PALS1: variants seen among roughly 807,000 people sequenced by gnomAD.
The protein encoded by PALS1 is protein PALS1.
A neutral mutation model predicts 78.9 loss-of-function variants in PALS1; 31 were observed. The observed-to-expected ratio is 0.39, with a 90% CI of 0.30 to 0.53. The LOEUF (loss-of-function observed/expected upper bound fraction) is 0.53, where lower values mean the gene tolerates loss of function less well. Among genes scored for constraint, PALS1 ranks in the 20% least tolerant of loss-of-function variants. The pLI, the probability that PALS1 is intolerant of heterozygous loss-of-function variation, is 0.67. For missense variants in PALS1, 704 were observed against 826.5 expected, an observed-to-expected ratio of 0.85 and a Z score of 1.82; for synonymous variants, 276 against 270.9, an observed-to-expected ratio of 1.02 and a Z score of -0.18.
chr14:67,296,287 A>C (rs2084846984), intron 4 of PALS1, among the ~76,000 whole-genome samples: 1 of 152,194 alleles, frequency 6.6e-6, no homozygotes. Context: ...CTAAGTAAGC[A>C]TAGGACTTAA....
At chr14:67,303,391 A>T in intron 7 of PALS1, 131 bp from the exon 8 acceptor site, 1 of 663,596 alleles carries the variant, frequency 1.5e-6, no homozygotes, top group South Asian at 1.8e-5. Flanking sequence ...TTGGTAGAGC[A>T]AAGTGCTGCT....
intron 1 of PALS1, among the ~76,000 whole-genome samples, chr14:67,261,973 G>T (rs895511175): frequency 2.0e-5 from 3 of 152,148 alleles, no homozygotes; most frequent in Admixed American, 6.6e-5. Context: ...AAGGAAGCAT[G>T]TAGTCAGCAT....
chr14:67,243,792 A>G (rs945454595), intron 1 of PALS1, among the ~76,000 whole-genome samples: 14 of 152,114 alleles, frequency 9.2e-5, no homozygotes, highest in Non-Finnish European at 2.9e-5. Context: ...CACCGCGCCC[A>G]GCCCTTATGA....
At chr14:67,269,373 C>G (rs1489204961) in intron 1 of PALS1, among the ~76,000 whole-genome samples, 1 of 151,586 alleles carries the variant, frequency 6.6e-6, no homozygotes, top group Non-Finnish European at 1.5e-5. Context: ...TTTTATTTCT[C>G]TTGATTTATA....
intron 2 of PALS1, among the ~76,000 whole-genome samples, chr14:67,275,027 A>G (rs1042645574): frequency 1.3e-5 from 2 of 152,204 alleles, no homozygotes; most frequent in African/African-American, 4.8e-5. Flanking sequence ...GGGCTGAGAC[A>G]GTGGGGTTTT....
Position 67,320,347 on chromosome 14 carries a change from G to T in PALS1, c.1487G>T (p.Arg496Leu), listed in dbSNP as rs146711615. The T allele has an allele frequency of 1.2e-6, 2 of 1,612,850 alleles. No individual in the cohort carries two copies. The highest frequency in any genetic ancestry group is 2.2e-5 in the East Asian group (1 of 44,780). ...CAGAACTGTGGCCAGAATGAATTGC[G>T]TCAGAGGCTCATGAACAAAGAAAAG... ...GPQNCGQNELRQRLMNKEKDR... is the reference protein window; with the variant it reads ...GPQNCGQNELLQRLMNKEKDR... The change falls in exon 12 of 15, where the codon CGT becomes CTT. Residue 496 changes from arginine to leucine, a missense_variant. Arg to Leu is a moderately radical substitution (Grantham distance 102, BLOSUM62 -2). Coordinates refer to ENST00000261681, the MANE Select transcript of PALS1 (RefSeq NM_022474.4).
chr14:67,255,004 C>T (rs989040436), intron 1 of PALS1, among the ~76,000 whole-genome samples: 1 of 152,160 alleles, frequency 6.6e-6, no homozygotes, highest in Non-Finnish European at 1.5e-5. Context: ...CAAAAATTAG[C>T]TGGGTGTGGT....
intron 14 of PALS1, among the ~76,000 whole-genome samples, chr14:67,326,701 A>G (rs1432628833): frequency 2.0e-5 from 3 of 152,180 alleles, no homozygotes; most frequent in Non-Finnish European, 4.4e-5. Context: ...TCTGTTCTAG[A>G]AGTTCATATA....
At chr14:67,283,004 A>G (rs921475642) in intron 3 of PALS1, among the ~76,000 whole-genome samples, 4 of 152,158 alleles carry the variant, frequency 2.6e-5, no homozygotes, top group Non-Finnish European at 5.9e-5. Flanking sequence ...TCTATCATAT[A>G]TGTGACTATA....
At chr14:67,262,049 TTTAG>T (rs2140510978) in intron 1 of PALS1, among the ~76,000 whole-genome samples, 1 of 152,282 alleles carries the variant, frequency 6.6e-6, no homozygotes, top group African/African-American at 2.4e-5. Flanking sequence ...CCATCTGAAT[TTTAG>T]TTAATGTTCT....
At chr14:67,295,937 C>A (rs1416471410) in intron 4 of PALS1, among the ~76,000 whole-genome samples, 2 of 151,154 alleles carry the variant, frequency 1.3e-5, no homozygotes. Flanking sequence ...TAATAGAAAC[C>A]AAAAAAAACC....
intron 1 of PALS1, among the ~76,000 whole-genome samples, chr14:67,257,475 C>G (rs2084162167): frequency 6.6e-6 from 1 of 152,014 alleles, no homozygotes; most frequent in African/African-American, 2.4e-5. Context: ...CTGATACTTA[C>G]TTTGCTTTCA....
intron 1 of PALS1, among the ~76,000 whole-genome samples, chr14:67,262,340 C>G (rs2084251825): frequency 6.6e-6 from 1 of 152,128 alleles, no homozygotes; most frequent in Non-Finnish European, 1.5e-5. Context: ...TGTATCTTCT[C>G]TTTTCCAATT....
chr14:67,269,989 T>C (rs1000463133), intron 2 of PALS1: 3 of 152,226 alleles, frequency 2.0e-5, no homozygotes, highest in African/African-American at 7.2e-5. Flanking sequence ...TGGACACTAG[T>C]GTAGACTGAA....
In PALS1 at chr14:67,331,451, C is replaced by CA. The variant is rs566511664; in HGVS notation, c.1852-1325dup. On this transcript the variant is annotated intron_variant, in intron 14 of 14. Coordinates refer to ENST00000261681, the MANE Select transcript of PALS1 (RefSeq NM_022474.4). ...TTGTGCTAAGAAAATGATGGCGTTA[C>CA]AAAATGTAACCAACCGGTTATCTAG... 1.7e-3 allele frequency among the ~76,000 whole-genome samples: 257 copies of CA among 152,102 alleles called. 1 individual carries two copies. The highest frequency in any genetic ancestry group is 3.4e-3 in the Middle Eastern group (1 of 294).
intron 14 of PALS1, among the ~76,000 whole-genome samples, chr14:67,326,273 A>G (rs1366994729): frequency 4.2e-5 from 2 of 47,716 alleles, no homozygotes; most frequent in African/African-American, 1.6e-4. Context: ...AGGAGATTCT[A>G]TATGTCACCC....
intron 2 of PALS1, among the ~76,000 whole-genome samples, chr14:67,272,328 G>C (rs1373852237): frequency 6.6e-6 from 1 of 152,000 alleles, no homozygotes. Flanking sequence ...TCCCACCTTT[G>C]GTTCATATGG....
chr14:67,301,299 A>C (rs545168020), intron 4 of PALS1, 90 bp from the exon 5 acceptor site: 2 of 612,212 alleles, frequency 3.3e-6, no homozygotes, highest in South Asian at 3.6e-5. Flanking sequence ...TTATTATTTT[A>C]ATTTGTACTT....
chr14:67,301,048 A>T (rs994144064), intron 4 of PALS1, among the ~76,000 whole-genome samples: 3 of 152,156 alleles, frequency 2.0e-5, no homozygotes, highest in Non-Finnish European at 4.4e-5. Context: ...TAAATGATTT[A>T]AAAACTATAA....
Sources: allele counts gnomAD v4.1 joint callset (sites outside exome capture counted in the v4.1 genomes callset), GRCh38; gene constraint gnomAD v4.1.1; transcripts MANE v1.5; gene names NCBI Gene and HGNC (gene_info 2026-07-23, HGNC 2026-07-21).